The following GRIK1 variants were observed in gnomAD, a reference collection of about 807,000 sequenced individuals.
GRIK1 encodes the protein glutamate ionotropic receptor kainate type subunit 1.
GRIK1 carries 69 observed loss-of-function variants against 105.7 expected under a neutral mutation model. The ratio of observed to expected loss-of-function variants is 0.65; its 90% CI spans 0.54 to 0.80. GRIK1 has a LOEUF of 0.80. Among genes scored for constraint, GRIK1 ranks in the 30% least tolerant of loss-of-function variants. The pLI is 0.00. For missense variants in GRIK1, 1,109 were observed against 1,167.3 expected (o/e 0.95, Z 0.73); for synonymous variants, 438 against 431.3 (o/e 1.02, Z -0.19).
intron 1 of GRIK1, among the ~76,000 whole-genome samples, chr21:29,904,182 C>T (rs115683915): frequency 7.4e-4 from 113 of 151,888 alleles, no homozygotes; most frequent in African/African-American, 2.5e-3. Context: ...AGGTGACAGG[C>T]GATGGGTGCC....
chr21:29,568,806 C>T (rs1486801546), intron 14 of GRIK1, among the ~76,000 whole-genome samples: 1 of 152,202 alleles, frequency 6.6e-6, no homozygotes, highest in African/African-American at 2.4e-5. Flanking sequence ...TTCAGATCTT[C>T]ATGTCTTGCT....
At chr21:29,895,890 A>G (rs2070131311) in intron 1 of GRIK1, among the ~76,000 whole-genome samples, 1 of 152,290 alleles carries the variant, frequency 6.6e-6, no homozygotes, top group African/African-American at 2.4e-5. Flanking sequence ...GAAGGCTTCC[A>G]CTGACTTCTC....
intron 16 of GRIK1, among the ~76,000 whole-genome samples, chr21:29,554,256 T>A (rs755536229): frequency 3.3e-5 from 5 of 152,172 alleles, no homozygotes; most frequent in African/African-American, 4.8e-5. Context: ...TAACAATATT[T>A]AAAAATTCAA....
chr21:29,802,321 T>A (rs73360311), intron 1 of GRIK1, among the ~76,000 whole-genome samples: 3 of 152,154 alleles, frequency 2.0e-5, no homozygotes, highest in Non-Finnish European at 4.4e-5. Flanking sequence ...TATTACAAAA[T>A]GCCTTCGGTA....
At chr21:29,602,562 C>T (rs1216556644) in intron 7 of GRIK1, among the ~76,000 whole-genome samples, 1 of 152,146 alleles carries the variant, frequency 6.6e-6, no homozygotes, top group Non-Finnish European at 1.5e-5. Context: ...AAGCACTTAT[C>T]CCAACTGCAG....
At chr21:29,867,876 AAGAG>A (rs1358202826) in intron 1 of GRIK1, among the ~76,000 whole-genome samples, 1 of 16,876 alleles carries the variant, frequency 5.9e-5, no homozygotes, top group Non-Finnish European at 1.5e-4. Context: ...GAAAGAGAGA[AAGAG>A]AGAGAAAGAG....
intron 3 of GRIK1, among the ~76,000 whole-genome samples, chr21:29,679,706 CTTCT>C (rs2063336312): frequency 6.6e-6 from 1 of 152,142 alleles, no homozygotes; most frequent in African/African-American, 2.4e-5. Flanking sequence ...TTATTTCTCT[CTTCT>C]TTCTTTCCTA....
In GRIK1 at chr21:29,580,142, CAT is replaced by C. The variant is rs3054306; in HGVS notation, c.1912+1281_1912+1282del. ...ATACACATATACACACATATATATA[CAT>C]ATATATATACACATACATATATATA... On this transcript the variant is annotated intron_variant, in intron 13 of 17. Transcript: ENST00000327783. Among the ~76,000 whole-genome samples the C allele has an allele frequency of 1.8e-3, 254 of 140,232 alleles. 1 individual carries two copies. Among genetic ancestry groups the C allele is most frequent in the African/African-American group, 4.5e-3 (166 of 36,566 alleles). The allele number at this position is 140,232 out of a possible 152,430, so 92.0% of individuals were successfully genotyped here. A position where few individuals can be genotyped will look rare whatever the true frequency, so the allele number is the denominator to read the frequency against.
At chr21:29,585,340 T>A (rs1442388947) in intron 12 of GRIK1, among the ~76,000 whole-genome samples, 1 of 152,168 alleles carries the variant, frequency 6.6e-6, no homozygotes, top group Non-Finnish European at 1.5e-5. Context: ...CGTGCCATTC[T>A]GACATACTCT....
At chr21:29,814,399 C>A (rs141147455) in intron 1 of GRIK1, among the ~76,000 whole-genome samples, 1 of 151,988 alleles carries the variant, frequency 6.6e-6, no homozygotes, top group South Asian at 2.1e-4. Context: ...GTCTGATTTG[C>A]GATGCTGGGT....
intron 1 of GRIK1, among the ~76,000 whole-genome samples, chr21:29,707,127 G>A (rs1365977345): frequency 1.3e-5 from 2 of 151,864 alleles, no homozygotes; most frequent in Non-Finnish European, 2.9e-5. Context: ...GCCTCCCGAA[G>A]TGCTGGGATT....
intron 1 of GRIK1, among the ~76,000 whole-genome samples, chr21:29,933,357 A>C (rs9982699): frequency 0.68 from 103,354 of 151,468 alleles, 35,459 homozygotes; most frequent in East Asian, 0.83. Flanking sequence ...TGTTGCCTCA[A>C]GTGTGCTCTG....
chr21:29,642,356 A>G (rs2062528620), intron 7 of GRIK1, among the ~76,000 whole-genome samples: 2 of 152,244 alleles, frequency 1.3e-5, no homozygotes, highest in East Asian at 1.9e-4. Context: ...GTTAGCTGAT[A>G]AATGACAAAA....
At chr21:29,589,727 G>C (rs955475191) in intron 10 of GRIK1, among the ~76,000 whole-genome samples, 1 of 152,010 alleles carries the variant, frequency 6.6e-6, no homozygotes, top group African/African-American at 2.4e-5. Flanking sequence ...CCCGGACCTG[G>C]CTTTTATCTA....
rs1205051484 is a variant in GRIK1 at position 29,537,843 on chromosome 21, T to C, written c.2649A>G (p.Lys883=). The C allele has an allele frequency of 2.0e-6, 3 of 1,526,110 alleles. No individual in the cohort carries two copies. 94.5% of individuals were successfully genotyped at this position (1,526,110 alleles called of 1,614,324 possible). Residue 883 remains lysine (K), a synonymous_variant, in exon 17 of 18, where the codon AAA becomes AAG. Transcript: ENST00000327783. The stretch of plus-strand genomic sequence containing the variant: ...GTTTTTTTCTCCCATGAAACCTTAC[T>C]TTGTTCCTAAAATAAAATCTAATTC... ...SSRIRFYFRN[K]VRFHGRKKQS...
intron 1 of GRIK1, among the ~76,000 whole-genome samples, chr21:29,836,738 T>A (rs1338773233): frequency 6.6e-6 from 1 of 152,168 alleles, no homozygotes; most frequent in East Asian, 1.9e-4. Flanking sequence ...ATCAGACAAA[T>A]ATTACATTAA....
At chr21:29,774,601 G>C (rs1327672491) in intron 1 of GRIK1, among the ~76,000 whole-genome samples, 1 of 152,020 alleles carries the variant, frequency 6.6e-6, no homozygotes, top group Non-Finnish European at 1.5e-5. Context: ...ACAGGCACCT[G>C]CTACCATGAC....
intron 7 of GRIK1, among the ~76,000 whole-genome samples, chr21:29,635,989 A>C (rs2062391180): frequency 6.6e-6 from 1 of 152,210 alleles, no homozygotes; most frequent in Admixed American, 6.5e-5. Context: ...GAAATCTCCC[A>C]GGCCTACCAG....
intron 14 of GRIK1, among the ~76,000 whole-genome samples, chr21:29,567,545 C>A (rs965224950): frequency 6.6e-6 from 1 of 152,020 alleles, no homozygotes; most frequent in East Asian, 1.9e-4. Flanking sequence ...GATATTTGAT[C>A]TTTTTATCTT....
Sources: allele counts gnomAD v4.1 joint callset (sites outside exome capture counted in the v4.1 genomes callset), GRCh38; gene constraint gnomAD v4.1.1; transcripts MANE v1.5; gene names NCBI Gene and HGNC (gene_info 2026-07-23, HGNC 2026-07-21).